Variants in SLC39A11 observed in about 807,000 individuals in gnomAD.
The protein encoded by SLC39A11 is solute carrier family 39 member 11.
SLC39A11 carries 33 observed loss-of-function variants against 36.1 expected under a neutral mutation model. The ratio of observed to expected loss-of-function variants is 0.91; its 90% CI spans 0.69 to 1.22. The LOEUF (loss-of-function observed/expected upper bound fraction) is 1.22, where lower values mean the gene tolerates loss of function less well. SLC39A11 is among the 50% of genes most tolerant of loss of function. The pLI, the probability that SLC39A11 is intolerant of heterozygous loss-of-function variation, is 0.00. For synonymous variants in SLC39A11, 166 were observed against 170.3 expected, an observed-to-expected ratio of 0.97 and a Z score of 0.20; for missense variants, 432 against 430.3, an observed-to-expected ratio of 1.00 and a Z score of -0.03.
intron 6 of SLC39A11, among the ~76,000 whole-genome samples, chr17:72,759,111 C>CAATAATAATAATAATAATAATAAT (rs201799463): frequency 0.017 from 2,448 of 144,576 alleles, 71 homozygotes; most frequent in East Asian, 0.11. Flanking sequence ...AAAATAATAA[C>CAATAATAATAATAATAATAATAAT]AATAATAATA....
At chr17:72,751,044 C>G (rs1568029782) in intron 6 of SLC39A11, among the ~76,000 whole-genome samples, 1 of 152,142 alleles carries the variant, frequency 6.6e-6, no homozygotes, top group Non-Finnish European at 1.5e-5. Flanking sequence ...GTCAGGAGTT[C>G]AAGATCAGCC....
chr17:72,985,963 C>T (rs9903750), intron 4 of SLC39A11, among the ~76,000 whole-genome samples: 145,695 of 152,160 alleles, frequency 0.96, 69,952 homozygotes, highest in East Asian at 0.99. Context: ...GAAAATACTA[C>T]GGGAAGACTG....
intron 3 of SLC39A11, among the ~76,000 whole-genome samples, chr17:73,049,452 C>T (rs534854835): frequency 5.1e-4 from 78 of 152,178 alleles, no homozygotes; most frequent in Admixed American, 1.2e-3. Context: ...GAGGTCAAGG[C>T]AGGGCACAGG....
chr17:72,770,515 C>G (rs983039847), intron 6 of SLC39A11, among the ~76,000 whole-genome samples: 1 of 152,200 alleles, frequency 6.6e-6, no homozygotes, highest in Non-Finnish European at 1.5e-5. Context: ...GGCGGCTCTT[C>G]TTCCCAGGCC....
chr17:72,738,225 C>T (rs532387205), intron 6 of SLC39A11, among the ~76,000 whole-genome samples: 57 of 152,182 alleles, frequency 3.7e-4, no homozygotes, highest in Non-Finnish European at 6.5e-4. Flanking sequence ...AGGATGGTCT[C>T]GATCTCCCGA....
At chr17:72,648,476 T>G (rs1292220840) in intron 9 of SLC39A11, among the ~76,000 whole-genome samples, 1 of 151,982 alleles carries the variant, frequency 6.6e-6, no homozygotes, top group Non-Finnish European at 1.5e-5. Flanking sequence ...ATTTTAGAGC[T>G]CACCTCTCCC....
chr17:72,934,028 T>C (rs1374409825), intron 5 of SLC39A11, among the ~76,000 whole-genome samples: 1 of 149,916 alleles, frequency 6.7e-6, no homozygotes, highest in Admixed American at 6.6e-5. Flanking sequence ...TTAACATCCA[T>C]ATGAAAAAAA....
intron 3 of SLC39A11, among the ~76,000 whole-genome samples, chr17:73,084,221 T>C (rs1354283998): frequency 6.6e-6 from 1 of 152,022 alleles, no homozygotes; most frequent in Non-Finnish European, 1.5e-5. Context: ...GTGGATCACT[T>C]GAGCCCAGGA....
chr17:73,009,371 A>G (rs1485447369), intron 4 of SLC39A11, among the ~76,000 whole-genome samples: 1 of 150,110 alleles, frequency 6.7e-6, no homozygotes, highest in Non-Finnish European at 1.5e-5. Context: ...AAAAAAAAAA[A>G]AAGAAAAGCA....
At chr17:73,062,818 G>A (rs774484948) in intron 3 of SLC39A11, among the ~76,000 whole-genome samples, 5 of 152,190 alleles carry the variant, frequency 3.3e-5, no homozygotes, top group South Asian at 2.1e-4. Flanking sequence ...TAAGGAGACC[G>A]TAACCTAGAT....
chr17:72,751,118 G>A (rs2075139172), intron 6 of SLC39A11, among the ~76,000 whole-genome samples: 1 of 152,132 alleles, frequency 6.6e-6, no homozygotes, highest in African/African-American at 2.4e-5. Context: ...CGTGGTGGTG[G>A]GCGCTTGTAA....
At chr17:72,871,028 GT>G (rs996885896) in intron 5 of SLC39A11, among the ~76,000 whole-genome samples, 1 of 145,732 alleles carries the variant, frequency 6.9e-6, no homozygotes, top group African/African-American at 2.5e-5. Flanking sequence ...CTGGTTTTTG[GT>G]TTTTTTTGTT....
At chr17:72,684,939 A>T (rs1221712806) in intron 7 of SLC39A11, among the ~76,000 whole-genome samples, 1 of 152,204 alleles carries the variant, frequency 6.6e-6, no homozygotes, top group Non-Finnish European at 1.5e-5. Flanking sequence ...CTCATAGGCC[A>T]TGTGGCAATC....
chr17:72,702,525 C>G (rs1370983552), intron 7 of SLC39A11, among the ~76,000 whole-genome samples: 1 of 152,158 alleles, frequency 6.6e-6, no homozygotes, highest in Non-Finnish European at 1.5e-5. Context: ...CGGTCTTCCA[C>G]TCTACCAAAT....
At chr17:72,731,713 T>TTTTGTTTGTTTG (rs55797288) in intron 7 of SLC39A11, among the ~76,000 whole-genome samples, 10 of 149,998 alleles carry the variant, frequency 6.7e-5, no homozygotes, top group African/African-American at 2.2e-4. Context: ...GCATTCCTTT[T>TTTTGTTTGTTTG]TTTGTTTGTT....
At chr17:72,811,541 A>T (rs1480252628) in intron 6 of SLC39A11, among the ~76,000 whole-genome samples, 1 of 152,248 alleles carries the variant, frequency 6.6e-6, no homozygotes, top group Non-Finnish European at 1.5e-5. Flanking sequence ...TCAGAGATGC[A>T]GTAACTGAGA....
At chr17:72,870,060 G>T (rs1400657152) in intron 5 of SLC39A11, among the ~76,000 whole-genome samples, 9 of 150,056 alleles carry the variant, frequency 6.0e-5, no homozygotes, top group Admixed American at 4.7e-4. Context: ...ATAACCTGTA[G>T]ATTTTTCTAC....
chr17:72,713,219 C>T (rs1349607007), intron 7 of SLC39A11, among the ~76,000 whole-genome samples: 1 of 152,158 alleles, frequency 6.6e-6, no homozygotes, highest in Admixed American at 6.5e-5. Flanking sequence ...GGGTAAGAAT[C>T]TCGGCTGAAA....
At chr17:72,777,867 A>ATG (rs1377438070) in intron 6 of SLC39A11, among the ~76,000 whole-genome samples, 71 of 141,442 alleles carry the variant, frequency 5.0e-4, no homozygotes, top group East Asian at 1.4e-3. Flanking sequence ...GTATGTATGT[A>ATG]TATATGTATG....
Sources: gnomAD v4.1 joint callset for allele counts (sites outside exome capture counted in the v4.1 genomes callset) on GRCh38, gnomAD v4.1.1 for gene constraint, MANE v1.5 for transcripts, NCBI Gene and HGNC (gene_info 2026-07-23, HGNC 2026-07-21) for gene names.